PARD3B: variants seen among roughly 807,000 people sequenced by gnomAD.
PARD3B encodes the protein partitioning defective 3 homolog B.
A neutral mutation model predicts 130.2 loss-of-function variants in PARD3B; 103 were observed. The ratio of observed to expected loss-of-function variants is 0.79; its 90% CI spans 0.67 to 0.93. PARD3B has a LOEUF of 0.93. Among genes scored for constraint, PARD3B ranks in the 40% least tolerant of loss-of-function variants. The probability of loss-of-function intolerance (pLI) is 0.00; values close to 1 mark genes in which losing one functional copy is unlikely to be tolerated. For synonymous variants in PARD3B, 583 were observed against 553.2 expected (o/e 1.05, Z -0.76); for missense variants, 1,609 against 1,499.2 (o/e 1.07, Z -1.21).
chr2:205,261,038 G>T (rs1483976867), intron 16 of PARD3B, among the ~76,000 whole-genome samples: 1 of 152,018 alleles, frequency 6.6e-6, no homozygotes, highest in African/African-American at 2.4e-5. Context: ...CTCACTGTTG[G>T]TTTTTTCACT....
In PARD3B at chr2:205,276,126, G is replaced by T. The variant is rs2040938687; in HGVS notation, c.2186-24404G>T. On this transcript the variant is annotated intron_variant, in intron 16 of 22. Coordinates refer to ENST00000406610, the MANE Select transcript of PARD3B (RefSeq NM_001302769.2). This position sits in a 1 kb window ranked among gnomAD's most constrained non-coding sequence, Gnocchi z 5.0. ...GATTTCTGTTCCTGAAATTTGTAAT[G>T]TACACAGTGAATTAAATATGGCATA... 6.6e-6 allele frequency among the ~76,000 whole-genome samples: 1 copy of T among 152,168 alleles called. No individual in the cohort carries two copies. Among genetic ancestry groups the T allele is most frequent in the South Asian group, 2.1e-4 (1 of 4,832 alleles).
chr2:205,099,550 A>C (rs2125560724), intron 4 of PARD3B, among the ~76,000 whole-genome samples: 1 of 152,316 alleles, frequency 6.6e-6, no homozygotes, highest in Admixed American at 6.5e-5. Context: ...GAAAAGCTTA[A>C]GTATTCTTAA....
At chr2:204,999,711 G>C (rs1208983823) in intron 3 of PARD3B, among the ~76,000 whole-genome samples, 2 of 152,170 alleles carry the variant, frequency 1.3e-5, no homozygotes, top group Admixed American at 1.3e-4. Flanking sequence ...AGTACTCTCA[G>C]ATGAAGAACA....
At chr2:205,134,676 A>G (rs2032320190) in intron 10 of PARD3B, among the ~76,000 whole-genome samples, 2 of 152,174 alleles carry the variant, frequency 1.3e-5, no homozygotes, top group Admixed American at 1.3e-4. Flanking sequence ...AGGCCAAGGG[A>G]TTAATAGTCA....
At chr2:204,938,655 A>T (rs1035143365) in intron 2 of PARD3B, among the ~76,000 whole-genome samples, 2 of 152,218 alleles carry the variant, frequency 1.3e-5, no homozygotes, top group Non-Finnish European at 2.9e-5. Flanking sequence ...ATTTAGGGAA[A>T]TTTTAAAACA....
intron 1 of PARD3B, among the ~76,000 whole-genome samples, chr2:204,562,949 G>A (rs1444300124): frequency 6.6e-6 from 1 of 152,138 alleles, no homozygotes. Context: ...GTCGTAAGGA[G>A]TCCCTCACTC....
chr2:205,345,199 A>T (rs932312030), intron 18 of PARD3B, among the ~76,000 whole-genome samples: 2 of 152,154 alleles, frequency 1.3e-5, no homozygotes, highest in Non-Finnish European at 2.9e-5. Context: ...TGAAGACCCA[A>T]AAAAAACAAG....
intron 1 of PARD3B, among the ~76,000 whole-genome samples, chr2:204,633,400 G>A (rs79794686): frequency 0.013 from 1,921 of 152,158 alleles, 12 homozygotes; most frequent in Non-Finnish European, 0.022. Context: ...TGTATGTATC[G>A]CTAAAAGATG....
At chr2:205,164,434 C>G (rs565913806) in intron 11 of PARD3B, among the ~76,000 whole-genome samples, 1 of 152,212 alleles carries the variant, frequency 6.6e-6, no homozygotes, top group East Asian at 1.9e-4. Flanking sequence ...TCACTGTGCT[C>G]TAGGCCTGGG....
At chr2:204,607,429 A>G (rs1475418605) in intron 1 of PARD3B, among the ~76,000 whole-genome samples, 1 of 152,178 alleles carries the variant, frequency 6.6e-6, no homozygotes, top group East Asian at 1.9e-4. Flanking sequence ...GAGGATGGCA[A>G]GTAAAGGACC....
At position 205,442,436 on chromosome 2, in the gene PARD3B, G is replaced by A. The variant is rs200905686; in HGVS notation, c.3044+1764G>A. On this transcript the variant is annotated intron_variant, in intron 20 of 22. Transcript: ENST00000406610. Reference sequence around the variant, plus strand: ...GCCTCAGCCTCCCGAGTGAGTAGCTGGGATTACAGATGCCTGCAACCACGG... The same window carrying A: ...GCCTCAGCCTCCCGAGTGAGTAGCTAGGATTACAGATGCCTGCAACCACGG... Among the ~76,000 whole-genome samples, 4 of 151,798 alleles carry A rather than the reference G, an allele frequency of 2.6e-5. No homozygotes were observed. In the East Asian group the frequency reaches 7.8e-4, roughly 30 times the overall value.
At chr2:205,270,222 A>C (rs1045444816) in intron 16 of PARD3B, among the ~76,000 whole-genome samples, 2 of 152,200 alleles carry the variant, frequency 1.3e-5, no homozygotes, top group African/African-American at 4.8e-5. Context: ...AAATTAATTC[A>C]TAATACAATT....
In PARD3B at chr2:205,301,674, A is replaced by G; in HGVS notation, c.2603A>G (p.Lys868Arg). The change falls in exon 18 of 23, where the codon AAG becomes AGG. Residue 868 changes from lysine to arginine, a missense_variant. By Grantham distance (26) the Lys-to-Arg change is conservative (BLOSUM62 2). Transcript: ENST00000406610. This position sits in a 1 kb window ranked among gnomAD's most constrained non-coding sequence, Gnocchi z 5.2. ...AATGAAGATCCAGAAAGGAAAATAA[A>G]GAAGAAGGGCTTCGGCGCCATGCTG... ...EENEDPERKIKKKGFGAMLRF... is the reference protein window; with the variant it reads ...EENEDPERKIRKKGFGAMLRF... 6.2e-7 allele frequency: 1 copy of G among 1,613,918 alleles called. No individual in the cohort carries two copies.
chr2:204,685,410 A>G (rs2037027791), intron 1 of PARD3B, among the ~76,000 whole-genome samples: 1 of 152,178 alleles, frequency 6.6e-6, no homozygotes, highest in African/African-American at 2.4e-5. Flanking sequence ...TCACTTTCAT[A>G]GCTATCCTGG....
chr2:204,784,523 AT>A (rs2041943180), intron 2 of PARD3B, among the ~76,000 whole-genome samples: 2 of 152,198 alleles, frequency 1.3e-5, no homozygotes, highest in Admixed American at 1.3e-4. Context: ...GTAAGCATTC[AT>A]GTGGTGTGTT....
Position 205,176,260 on chromosome 2 carries a change from C to G in PARD3B, c.1792-185C>G, listed in dbSNP as rs1362462312. Among the ~76,000 whole-genome samples the G allele has an allele frequency of 1.3e-5, 2 of 152,162 alleles. No homozygotes were observed. The highest frequency in any genetic ancestry group is 2.9e-5 in the Non-Finnish European group (2 of 68,016). ...AATCCTTAGCACCACAGTGTCAGTA[C>G]TTTTTATTTTAGACTCAAAGATGTT... On this transcript the variant is annotated intron_variant, in intron 12 of 22. Transcript: ENST00000406610. The surrounding 1 kb of genome is among the most constrained non-coding windows in gnomAD (Gnocchi z 5.3).
At chr2:204,914,060 A>G (rs970353872) in intron 2 of PARD3B, among the ~76,000 whole-genome samples, 1 of 151,984 alleles carries the variant, frequency 6.6e-6, no homozygotes, top group African/African-American at 2.4e-5. Flanking sequence ...CCCTAACAGA[A>G]CCTCCAACTG....
rs968773241 is a variant in PARD3B at position 205,275,192 on chromosome 2, A to T, written c.2186-25338A>T. 1.1e-4 allele frequency among the ~76,000 whole-genome samples: 17 copies of T among 152,194 alleles called. No homozygotes were observed. The East Asian group carries it at 2.9e-3, about 26-fold the overall frequency. On this transcript the variant is annotated intron_variant, in intron 16 of 22. Coordinates refer to ENST00000406610, the MANE Select transcript of PARD3B (RefSeq NM_001302769.2). ...TTTCGGTGCCCTGTTGAACGGGAAA[A>T]ATTAAAAAAAAAAAAAGTCTCTCGA...
rs1428359918 is a variant in PARD3B at position 205,499,956 on chromosome 2, G to A, written c.3105G>A (p.Gln1035=). The A allele has an allele frequency of 6.2e-7, 1 of 1,613,764 alleles. No individual in the cohort carries two copies. Among genetic ancestry groups the A allele is most frequent in the African/African-American group, 1.3e-5 (1 of 74,904 alleles). Residue 1035 remains glutamine (Q), a synonymous_variant, in exon 21 of 23, where the codon CAG becomes CAA. Transcript: ENST00000406610. ...AGAAGTTGCGGAAAGAGTATTATCA[G>A]GCTCGGAGGGAAGGTTTCCCTTTAT... ...RIQKLRKEYY[Q]ARREGFPLYE... is the part of the protein sequence containing the mutation.
Sources: allele counts gnomAD v4.1 joint callset (sites outside exome capture counted in the v4.1 genomes callset), GRCh38; gene constraint gnomAD v4.1.1; non-coding constraint Gnocchi (gnomAD v3.1); transcripts MANE v1.5; gene names NCBI Gene and HGNC (gene_info 2026-07-23, HGNC 2026-07-21).